GPN1: variants seen among roughly 807,000 people sequenced by gnomAD.
The protein encoded by GPN1 is ATP(GTP)-binding protein.
In GPN1, 44 loss-of-function variants were observed where a neutral mutation model predicts 55.9. That is an observed-to-expected ratio of 0.79 (90% CI 0.62 to 1.01). The LOEUF (loss-of-function observed/expected upper bound fraction) is 1.01. Ranked by LOEUF, GPN1 falls within the 50% of genes least tolerant of loss-of-function variation. The pLI is 0.00. For missense variants in GPN1, 466 were observed against 462.8 expected, an observed-to-expected ratio of 1.01 and a Z score of -0.06; for synonymous variants, 179 against 162.5, an observed-to-expected ratio of 1.10 and a Z score of -0.77.
chr2:27,632,745 A>G, intron 5 of GPN1, 75 bp downstream of exon 5: 1 of 962,558 alleles, frequency 1.0e-6, no homozygotes, highest in Non-Finnish European at 1.7e-6. Flanking sequence ...GATCTGGGAT[A>G]CCATCAGCCT....
chr2:27,629,097 TG>T lies in GPN1; in HGVS notation c.44del (p.Gly15ValfsTer38), dbSNP rs746501812. 3 of 1,614,218 alleles carry T rather than the reference TG, an allele frequency of 1.9e-6. No homozygotes were observed. Among genetic ancestry groups the T allele is most frequent in the East Asian group, 2.2e-5 (1 of 44,884 alleles). ...SAAAAELQAS[G>X]GPRHPVCLLV... is the part of the protein sequence containing the mutation. ...CAGCTGCCGCTGAGCTCCAGGCTTC[TG>T]GGGGTCCGCGGCACCCAGTGTGTCT... On this transcript the variant is annotated frameshift_variant, in exon 1 of 14. Transcript: ENST00000610189. LOFTEE classifies it high-confidence loss of function.
At chr2:27,642,990 C>CACACACACACACACACAT (rs1674033347) in intron 12 of GPN1, among the ~76,000 whole-genome samples, 1 of 150,808 alleles carries the variant, frequency 6.6e-6, no homozygotes, top group Non-Finnish European at 1.5e-5. Context: ...CACACACACA[C>CACACACACACACACACAT]ACACATACAT....
chr2:27,636,005 A>G (rs1673718623), intron 7 of GPN1, among the ~76,000 whole-genome samples: 1 of 152,208 alleles, frequency 6.6e-6, no homozygotes, highest in African/African-American at 2.4e-5. Context: ...GCCTGAGCCC[A>G]GGAGTTTGAG....
In GPN1 at chr2:27,643,199, T is replaced by A. The variant is rs1041940750; in HGVS notation, c.931+680T>A. Among the ~76,000 whole-genome samples the A allele has an allele frequency of 2.1e-5, 3 of 145,444 alleles. No homozygotes were observed. The highest frequency in any genetic ancestry group is 7.9e-5 in the African/African-American group (3 of 37,972). Reference sequence around the variant, plus strand: ...AATTTTTTTTATAATTAAAAAAAATTTTTTTTTTTTTACAGTTTGACCTTA... The same window carrying A: ...AATTTTTTTTATAATTAAAAAAAATATTTTTTTTTTTACAGTTTGACCTTA... On this transcript the variant is annotated intron_variant, in intron 12 of 13. Coordinates refer to ENST00000610189, the MANE Select transcript of GPN1 (RefSeq NM_007266.4). The surrounding 1 kb of genome is among the most constrained non-coding windows in gnomAD (Gnocchi z 4.0).
At position 27,650,266 on chromosome 2, in the gene GPN1, GT is replaced by G. The variant is rs1012111006; in HGVS notation, c.*68del. 13 of 884,114 alleles carry G rather than the reference GT, an allele frequency of 1.5e-5. No individual in the cohort carries two copies. The highest frequency in any genetic ancestry group is 2.4e-5 in the Non-Finnish European group (13 of 534,456). 54.8% of individuals were successfully genotyped at this position (884,114 alleles called of 1,614,324 possible). A position where few individuals can be genotyped will look rare whatever the true frequency, so the allele number is the denominator to read the frequency against. On this transcript the variant is annotated 3_prime_UTR_variant, in exon 14 of 14. Transcript: ENST00000610189. ...TTTTGGACCTCCACGTGAAAGAACT[GT>G]TCTTACCTCTGAACTGGGGGCTCCC...
intron 3 of GPN1, chr2:27,631,539 G>T: frequency 1.9e-6 from 1 of 514,834 alleles, no homozygotes; most frequent in Non-Finnish European, 3.5e-6. Context: ...GTGTTATACA[G>T]GTGGCCTTAA....
chr2:27,637,229 A>G (rs1673766422), intron 7 of GPN1, among the ~76,000 whole-genome samples: 1 of 152,204 alleles, frequency 6.6e-6, no homozygotes, highest in Non-Finnish European at 1.5e-5. Context: ...TATTCATATA[A>G]TAAAGCTAGA....
At chr2:27,638,788 A>G (rs1287704755) in intron 8 of GPN1, 97 bp from the exon 9 acceptor site, 2 of 982,102 alleles carry the variant, frequency 2.0e-6, no homozygotes, top group African/African-American at 1.6e-5. Flanking sequence ...AAGAAAATAT[A>G]TGGATGATAT....
chr2:27,642,950 T>TACACAC (rs1375069534), intron 12 of GPN1, among the ~76,000 whole-genome samples: 36 of 37,650 alleles, frequency 9.6e-4, no homozygotes, highest in Admixed American at 3.5e-3. Context: ...GTTTTATATA[T>TACACAC]ATATATATAC....
At chr2:27,629,330 G>A in intron 1 of GPN1, 161 bp downstream of exon 1, 1 of 1,510,498 alleles carries the variant, frequency 6.6e-7, no homozygotes, top group South Asian at 1.2e-5. Context: ...AAGCCTCCTC[G>A]GGCCCTAGCC....
At chr2:27,642,396 T>G in intron 11 of GPN1, 33 bp from the exon 12 acceptor site, 1 of 1,365,676 alleles carries the variant, frequency 7.3e-7, no homozygotes, top group Non-Finnish European at 1.0e-6. Context: ...GACTCCTTTT[T>G]GAATATGATG....
In GPN1 at chr2:27,634,846, A is replaced by G. The variant is rs774974476; in HGVS notation, c.351A>G (p.Lys117=). 15 of 1,519,376 alleles carry G rather than the reference A, an allele frequency of 9.9e-6. No individual in the cohort carries two copies. Among genetic ancestry groups the G allele is most frequent in the South Asian group, 9.0e-5 (8 of 89,220 alleles). 94.1% of individuals were successfully genotyped at this position (1,519,376 alleles called of 1,614,324 possible). Residue 117 remains lysine (K), a splice_region_variant and synonymous_variant, in exon 6 of 14, where the codon AAA becomes AAG. Coordinates refer to ENST00000610189, the MANE Select transcript of GPN1 (RefSeq NM_007266.4). ...KFIEKAQNMS[K]YVLIDTPGQI... ...TCTTTAATGATCTTTCTTGACATAGATATGTGTTGATTGACACACCTGGAC... is the reference window on the plus strand; with the variant it reads ...TCTTTAATGATCTTTCTTGACATAGGTATGTGTTGATTGACACACCTGGAC...
Position 27,631,464 on chromosome 2 carries a change from C to CT in GPN1, c.246-369dup. ...ATGTGTACTCTCTCCGTAGGCAAGT[C>CT]TAAGTAGGAAGACTAATCATAATCA... On this transcript the variant is annotated intron_variant, in intron 3 of 13. Coordinates refer to ENST00000610189, the MANE Select transcript of GPN1 (RefSeq NM_007266.4). The CT allele has an allele frequency of 1.7e-5, 7 of 418,346 alleles. No homozygotes were observed. In the South Asian group the frequency reaches 2.0e-4, roughly 12 times the overall value. The allele number at this position is 418,346 out of a possible 1,614,324, so 25.9% of individuals were successfully genotyped here. A position where few individuals can be genotyped will look rare whatever the true frequency, so the allele number is the denominator to read the frequency against.
chr2:27,638,708 A>G (rs1673827493), intron 8 of GPN1, among the ~76,000 whole-genome samples, 177 bp from the exon 9 acceptor site: 1 of 152,226 alleles, frequency 6.6e-6, no homozygotes, highest in African/African-American at 2.4e-5. Flanking sequence ...TCTTCATTTA[A>G]TTACACTGAC....
chr2:27,629,563 G>A (rs1673448111), intron 1 of GPN1: 2 of 709,500 alleles, frequency 2.8e-6, no homozygotes, highest in Admixed American at 2.4e-5. Flanking sequence ...GCGAAAATGA[G>A]GTTGACAAGA....
At chr2:27,645,706 A>AT (rs1283973442) in intron 12 of GPN1, among the ~76,000 whole-genome samples, 97 of 146,278 alleles carry the variant, frequency 6.6e-4, no homozygotes, top group African/African-American at 9.9e-4. Flanking sequence ...TTTCTTTTTA[A>AT]TTTTTTTTTT....
intron 12 of GPN1, among the ~76,000 whole-genome samples, chr2:27,644,807 C>A (rs1400679281): frequency 2.0e-5 from 3 of 147,362 alleles, no homozygotes; most frequent in Non-Finnish European, 3.0e-5. Context: ...TCTCAGCCTG[C>A]CAACTAGTTT....
intron 1 of GPN1, chr2:27,629,563 G>T: frequency 1.4e-6 from 1 of 709,618 alleles, no homozygotes; most frequent in South Asian, 1.6e-5. Context: ...GCGAAAATGA[G>T]GTTGACAAGA....
chr2:27,628,745 C>A (rs1455181383), upstream of GPN1: 7 of 1,548,282 alleles, frequency 4.5e-6, no homozygotes, highest in Non-Finnish European at 6.1e-6. Flanking sequence ...CTGTGTGAGC[C>A]CTGCCCTCGG....
Sources: gnomAD v4.1 joint callset for allele counts (sites outside exome capture counted in the v4.1 genomes callset) on GRCh38, gnomAD v4.1.1 for gene constraint, Gnocchi (gnomAD v3.1) non-coding constraint, MANE v1.5 for transcripts, NCBI Gene and HGNC (gene_info 2026-07-23, HGNC 2026-07-21) for gene names.